Variants in KIF5C observed in about 807,000 individuals in gnomAD.
KIF5C encodes the protein kinesin family member 5C.
A neutral mutation model predicts 125.2 loss-of-function variants in KIF5C; 18 were observed. The observed-to-expected ratio is 0.14, with a 90% confidence interval of 0.10 to 0.21. KIF5C has a LOEUF of 0.21. KIF5C is among the 10% of genes least tolerant of loss of function. KIF5C has a pLI of 1.00. For synonymous variants in KIF5C, 405 were observed against 434.0 expected (o/e 0.93, Z 0.83); for missense variants, 780 against 1,183.8 (o/e 0.66, Z 5.01).
chr2:148,912,974 C>T (rs1681400513), intron 1 of KIF5C, among the ~76,000 whole-genome samples: 1 of 152,162 alleles, frequency 6.6e-6, no homozygotes, highest in South Asian at 2.1e-4. Flanking sequence ...AGTGCTAGTG[C>T]ACTATGTTTG....
chr2:148,948,019 G>T, intron 8 of KIF5C: 2 of 456,632 alleles, frequency 4.4e-6, no homozygotes, highest in Non-Finnish European at 4.4e-6. Context: ...TGAGCAGAAA[G>T]TCATCCGGGT....
intron 10 of KIF5C, among the ~76,000 whole-genome samples, chr2:148,957,046 A>G (rs1574786091): frequency 6.6e-6 from 1 of 152,216 alleles, no homozygotes; most frequent in South Asian, 2.1e-4. Context: ...TGGTATCACA[A>G]TTGCTGTATA....
intron 22 of KIF5C, among the ~76,000 whole-genome samples, chr2:149,007,738 T>G (rs1404295989): frequency 1.5e-5 from 2 of 133,818 alleles, no homozygotes; most frequent in East Asian, 2.1e-4. Flanking sequence ...TTTGAAGGAG[T>G]TTTTTTTTTT....
intron 25 of KIF5C, among the ~76,000 whole-genome samples, chr2:149,017,680 C>G (rs545231095): frequency 3.9e-5 from 6 of 152,252 alleles, no homozygotes; most frequent in Middle Eastern, 3.4e-3. Flanking sequence ...ACCATTTTAT[C>G]TCAAACTTGA....
At chr2:148,910,682 G>C (rs1681299694) in intron 1 of KIF5C, among the ~76,000 whole-genome samples, 1 of 152,162 alleles carries the variant, frequency 6.6e-6, no homozygotes, top group African/African-American at 2.4e-5. Context: ...TGTTGCACTA[G>C]GGGGATCATA....
At chr2:148,884,498 A>G (rs1480495921) in intron 1 of KIF5C, 3 of 152,164 alleles carry the variant, frequency 2.0e-5, no homozygotes, top group Non-Finnish European at 4.4e-5. Context: ...TAGAAAGAAT[A>G]AAAAAAGTAC....
intron 21 of KIF5C, among the ~76,000 whole-genome samples, chr2:149,002,720 G>A (rs1270106784): frequency 2.0e-5 from 3 of 152,058 alleles, no homozygotes; most frequent in East Asian, 3.9e-4. Flanking sequence ...GCACGCAGGC[G>A]CATTCACACC....
intron 8 of KIF5C, 78 bp downstream of exon 8, chr2:148,947,101 CT>C: frequency 6.7e-7 from 1 of 1,492,460 alleles, no homozygotes; most frequent in Non-Finnish European, 8.9e-7. Flanking sequence ...AATTTTTATG[CT>C]TTTCTATTTT....
chr2:148,993,991 G>A (rs1681598178), intron 16 of KIF5C, among the ~76,000 whole-genome samples: 2 of 152,150 alleles, frequency 1.3e-5, no homozygotes, highest in Admixed American at 6.5e-5. Flanking sequence ...ATGGGAATTG[G>A]TGTGTCTGAA....
At chr2:148,960,534 A>G (rs113910638) in intron 10 of KIF5C, among the ~76,000 whole-genome samples, 4 of 152,242 alleles carry the variant, frequency 2.6e-5, no homozygotes, top group African/African-American at 9.6e-5. Context: ...AATTAGACTC[A>G]AAGCACTTCT....
intron 13 of KIF5C, among the ~76,000 whole-genome samples, chr2:148,980,280 G>C (rs1454252828): frequency 6.6e-6 from 1 of 152,006 alleles, no homozygotes; most frequent in Non-Finnish European, 1.5e-5. Flanking sequence ...TGAGTTTCCT[G>C]CCCTCTACCT....
chr2:148,916,692 T>C (rs536943771), intron 1 of KIF5C, among the ~76,000 whole-genome samples: 1 of 152,326 alleles, frequency 6.6e-6, no homozygotes, highest in South Asian at 2.1e-4. Flanking sequence ...CAAAACTCTT[T>C]GTTCATTGGA....
intron 1 of KIF5C, among the ~76,000 whole-genome samples, chr2:148,909,412 T>G (rs72866027): frequency 0.019 from 2,931 of 152,292 alleles, 31 homozygotes; most frequent in Middle Eastern, 0.051. Flanking sequence ...CATCTTTGTT[T>G]TGATTGGTTG....
chr2:148,929,956 C>T (rs1682135475), intron 3 of KIF5C, among the ~76,000 whole-genome samples: 1 of 152,188 alleles, frequency 6.6e-6, no homozygotes, highest in African/African-American at 2.4e-5. Context: ...CTTCACTGTT[C>T]ACTTCATTGT....
At chr2:148,966,620 A>G (rs1175871780) in intron 11 of KIF5C, among the ~76,000 whole-genome samples, 1 of 152,092 alleles carries the variant, frequency 6.6e-6, no homozygotes, top group Non-Finnish European at 1.5e-5. Flanking sequence ...CCACACCTCC[A>G]CCTGTACCAA....
chr2:148,895,861 C>T (rs1319588534), intron 1 of KIF5C, among the ~76,000 whole-genome samples: 2 of 34,580 alleles, frequency 5.8e-5, no homozygotes, highest in Non-Finnish European at 1.8e-4. Flanking sequence ...CACACACACA[C>T]ACACACACAC....
At chr2:148,973,698 G>C (rs900658839) in intron 12 of KIF5C, among the ~76,000 whole-genome samples, 187 bp downstream of exon 12, 1 of 152,330 alleles carries the variant, frequency 6.6e-6, no homozygotes, top group East Asian at 1.9e-4. Context: ...ATGTTAAAGG[G>C]AACTTGACTG....
Position 149,021,131 on chromosome 2 carries a change from C to T in KIF5C, c.*8-1947C>T, listed in dbSNP as rs181512052. 1.8e-3 allele frequency among the ~76,000 whole-genome samples: 268 copies of T among 152,250 alleles called. 1 individual carries two copies. Among genetic ancestry groups the T allele is most frequent in the Middle Eastern group, 3.4e-3 (1 of 294 alleles). ...AGGCTGGAGTGCAGCAGCATGATCT[C>T]GGCTCACTGCAACCTCTGCTTCCCA... On this transcript the variant is annotated intron_variant, in intron 25 of 25. Transcript: ENST00000435030.
At chr2:148,948,428 A>C (rs1574777597) in intron 8 of KIF5C, among the ~76,000 whole-genome samples, 1 of 152,166 alleles carries the variant, frequency 6.6e-6, no homozygotes, top group African/African-American at 2.4e-5. Context: ...AGATGGAAAT[A>C]ATGGAGGATT....
Sources: allele counts gnomAD v4.1 joint callset (sites outside exome capture counted in the v4.1 genomes callset), GRCh38; gene constraint gnomAD v4.1.1; transcripts MANE v1.5; gene names NCBI Gene and HGNC (gene_info 2026-07-23, HGNC 2026-07-21).